Variants in COL5A2 observed in about 807,000 individuals in gnomAD.
COL5A2 encodes collagen alpha-2(V) chain.
A neutral mutation model predicts 208.2 loss-of-function variants in COL5A2; 23 were observed. The observed-to-expected ratio is 0.11, with a 90% CI of 0.08 to 0.16. The LOEUF (loss-of-function observed/expected upper bound fraction) is 0.16, where lower values mean the gene tolerates loss of function less well. COL5A2 is among the 10% of genes least tolerant of loss of function. The pLI is 1.00. For synonymous variants in COL5A2, 625 were observed against 628.5 expected (o/e 0.99, Z 0.08); for missense variants, 1,590 against 1,956.4 (o/e 0.81, Z 3.53).
the COL5A2 span, among the ~76,000 whole-genome samples, chr2:189,294,067 G>A: frequency 7.0e-6 from 1 of 142,998 alleles, no homozygotes; most frequent in Non-Finnish European, 1.5e-5. Context: ...CAGCCTGGGC[G>A]ACAGAGCGAG....
intron 12 of COL5A2, 90 bp from the exon 13 acceptor site, chr2:189,081,133 G>A: frequency 9.9e-7 from 1 of 1,005,622 alleles, no homozygotes; most frequent in Non-Finnish European, 1.6e-6. Context: ...AAAATAGCTA[G>A]TACACAGTTT....
chr2:189,315,015 A>G, the COL5A2 span, among the ~76,000 whole-genome samples: 3 of 152,166 alleles, frequency 2.0e-5, no homozygotes, highest in African/African-American at 7.2e-5. Context: ...AAGAAGAGCT[A>G]GTACCATTCC....
chr2:189,400,286 T>G, the COL5A2 span, among the ~76,000 whole-genome samples: 2 of 152,196 alleles, frequency 1.3e-5, no homozygotes, highest in African/African-American at 4.8e-5. Context: ...GCTATTCTCT[T>G]TCTTCTTCTG....
At chr2:189,262,769 A>G in the COL5A2 span, among the ~76,000 whole-genome samples, 1 of 152,126 alleles carries the variant, frequency 6.6e-6, no homozygotes. Flanking sequence ...GTATTTCAAT[A>G]TTCAGATCCT....
the COL5A2 span, among the ~76,000 whole-genome samples, chr2:189,327,856 T>C: frequency 6.6e-6 from 1 of 152,370 alleles, no homozygotes; most frequent in South Asian, 2.1e-4. Context: ...ATGGAGTTCA[T>C]GCTGAATCAA....
chr2:189,220,948 G>GT (rs532971122), intron 1 of COL5A2, among the ~76,000 whole-genome samples: 4 of 152,198 alleles, frequency 2.6e-5, no homozygotes, highest in Admixed American at 6.5e-5. Context: ...TGAGCTCAGG[G>GT]TTTTTTATCA....
chr2:189,225,958 T>C (rs987943275), upstream of COL5A2, among the ~76,000 whole-genome samples: 1 of 152,168 alleles, frequency 6.6e-6, no homozygotes, highest in Non-Finnish European at 1.5e-5. Flanking sequence ...TCTTCTATTA[T>C]TAAGCTGCAT....
chr2:189,439,620 T>A, the COL5A2 span, among the ~76,000 whole-genome samples: 15 of 152,332 alleles, frequency 9.8e-5, no homozygotes, highest in South Asian at 2.5e-3. Flanking sequence ...ATTAAACAGC[T>A]GTAGGTGGGA....
At chr2:189,066,848 G>C (rs1340282171) in intron 21 of COL5A2, 66 bp from the exon 22 acceptor site, 11 of 1,250,042 alleles carry the variant, frequency 8.8e-6, no homozygotes, top group Non-Finnish European at 1.3e-5. Flanking sequence ...GCTCAAATTA[G>C]TTACAATAAA....
chr2:189,121,860 A>G (rs1166969517), intron 1 of COL5A2, among the ~76,000 whole-genome samples: 1 of 151,948 alleles, frequency 6.6e-6, no homozygotes, highest in Non-Finnish European at 1.5e-5. Flanking sequence ...AAATAGTATA[A>G]TGTCTAGTTT....
chr2:189,246,228 CATT>C, the COL5A2 span, among the ~76,000 whole-genome samples: 1 of 151,612 alleles, frequency 6.6e-6, no homozygotes, highest in South Asian at 2.1e-4. Context: ...ACACGTTACA[CATT>C]AGTAAATTAC....
chr2:189,416,642 C>T, the COL5A2 span, among the ~76,000 whole-genome samples: 2 of 152,162 alleles, frequency 1.3e-5, no homozygotes, highest in Admixed American at 1.3e-4. Context: ...AGCACACCAA[C>T]ATGGCGTATG....
At chr2:189,202,767 AT>A (rs1437731008) in intron 1 of COL5A2, among the ~76,000 whole-genome samples, 1 of 152,104 alleles carries the variant, frequency 6.6e-6, no homozygotes, top group Non-Finnish European at 1.5e-5. Flanking sequence ...GACAGTAAGG[AT>A]GAGGATAAGA....
intron 1 of COL5A2, among the ~76,000 whole-genome samples, chr2:189,188,521 T>A (rs766980325): frequency 1.3e-5 from 2 of 152,232 alleles, no homozygotes; most frequent in Non-Finnish European, 2.9e-5. Flanking sequence ...GAGACATGGA[T>A]GATTGTTTGT....
chr2:189,260,526 G>A, the COL5A2 span, among the ~76,000 whole-genome samples: 2 of 152,078 alleles, frequency 1.3e-5, no homozygotes, highest in Non-Finnish European at 2.9e-5. Flanking sequence ...AGCTCAATCC[G>A]GCAAAGGCTG....
chr2:189,334,960 A>G, the COL5A2 span, among the ~76,000 whole-genome samples: 1 of 152,016 alleles, frequency 6.6e-6, no homozygotes, highest in Non-Finnish European at 1.5e-5. Context: ...AGGTGTCAAG[A>G]TAATTTAATA....
the COL5A2 span, among the ~76,000 whole-genome samples, chr2:189,232,492 A>G: frequency 6.6e-6 from 1 of 151,826 alleles, no homozygotes; most frequent in Middle Eastern, 3.4e-3. Flanking sequence ...GAGTTCCTAC[A>G]ATAGGCCAGG....
the COL5A2 span, among the ~76,000 whole-genome samples, chr2:189,235,858 G>C: frequency 4.0e-5 from 6 of 151,682 alleles, no homozygotes; most frequent in South Asian, 1.2e-3. Flanking sequence ...TTGGATTTTG[G>C]AGTAAGTAAC....
the COL5A2 span, among the ~76,000 whole-genome samples, chr2:189,350,637 ATGAAC>A: frequency 6.6e-6 from 1 of 152,186 alleles, no homozygotes; most frequent in African/African-American, 2.4e-5. Flanking sequence ...TGTTTGTGGA[ATGAAC>A]TGAGCTGTGG....
Sources: gnomAD v4.1 joint callset for allele counts (sites outside exome capture counted in the v4.1 genomes callset) on GRCh38, gnomAD v4.1.1 for gene constraint, MANE v1.5 for transcripts, NCBI Gene and HGNC (gene_info 2026-07-23, HGNC 2026-07-21) for gene names.